SAMD4A: variants seen among roughly 807,000 people sequenced by gnomAD.
The protein encoded by SAMD4A is protein Smaug homolog 1.
SAMD4A carries 33 observed loss-of-function variants against 81.3 expected under a neutral mutation model. That is an observed-to-expected ratio of 0.41 (90% CI 0.31 to 0.54). The LOEUF (loss-of-function observed/expected upper bound fraction) is 0.54, where lower values mean the gene tolerates loss of function less well. Among genes scored for constraint, SAMD4A ranks in the 20% least tolerant of loss-of-function variants. SAMD4A has a pLI of 0.37. For missense variants in SAMD4A, 854 were observed against 951.1 expected (o/e 0.90, Z 1.34); for synonymous variants, 389 against 382.1 (o/e 1.02, Z -0.21).
intron 2 of SAMD4A, among the ~76,000 whole-genome samples, chr14:54,683,096 G>T (rs1471060502): frequency 6.6e-6 from 1 of 152,150 alleles, no homozygotes; most frequent in Non-Finnish European, 1.5e-5. Flanking sequence ...TCATGGGCTT[G>T]GACTCCATTA....
intron 3 of SAMD4A, among the ~76,000 whole-genome samples, chr14:54,708,607 A>G (rs1180940680): frequency 1.3e-5 from 2 of 152,186 alleles, no homozygotes; most frequent in African/African-American, 4.8e-5. Flanking sequence ...AAAGCTGGAG[A>G]AAAGCAGGGG....
At chr14:54,568,193 C>A in intron 2 of SAMD4A, 81 bp downstream of exon 2, 1 of 1,287,182 alleles carries the variant, frequency 7.8e-7, no homozygotes, top group Non-Finnish European at 1.0e-6. Context: ...CGGGCCAGGC[C>A]GAGGCCAGTC....
intron 3 of SAMD4A, among the ~76,000 whole-genome samples, chr14:54,724,563 G>T (rs2037364970): frequency 6.6e-6 from 1 of 152,192 alleles, no homozygotes; most frequent in African/African-American, 2.4e-5. Context: ...GAGGCCAAAG[G>T]ACTGGGAACA....
intron 3 of SAMD4A, among the ~76,000 whole-genome samples, chr14:54,735,947 G>GAAAAATGTTT (rs2037681152): frequency 6.6e-6 from 1 of 152,208 alleles, no homozygotes; most frequent in Non-Finnish European, 1.5e-5. Flanking sequence ...TGGCTTCCCT[G>GAAAAATGTTT]AAAAATGTTT....
intron 11 of SAMD4A, among the ~76,000 whole-genome samples, chr14:54,780,295 G>C (rs552693193): frequency 6.6e-6 from 1 of 152,262 alleles, no homozygotes; most frequent in South Asian, 2.1e-4. Context: ...TTCATGGTGT[G>C]ACTTACCTGA....
chr14:54,612,096 T>C (rs1421257206), intron 2 of SAMD4A, among the ~76,000 whole-genome samples: 2 of 152,162 alleles, frequency 1.3e-5, no homozygotes, highest in Admixed American at 6.5e-5. Context: ...GTTTCTGAAT[T>C]GCATTTATTT....
intron 2 of SAMD4A, among the ~76,000 whole-genome samples, chr14:54,590,311 A>G (rs2033740563): frequency 6.6e-6 from 1 of 152,044 alleles, no homozygotes; most frequent in Non-Finnish European, 1.5e-5. Context: ...CAAAATCGTG[A>G]GACTTCATCT....
Position 54,733,976 on chromosome 14 carries a change from T to C in SAMD4A, c.716-3048T>C, listed in dbSNP as rs375726489. On this transcript the variant is annotated intron_variant, in intron 3 of 12. Transcript: ENST00000554335. ...CTGGCCCCCTCGTCAATTCCACAAC[T>C]GCATGGCCTATTTTCTTGTAGCCTC... 9.2e-5 allele frequency among the ~76,000 whole-genome samples: 14 copies of C among 152,328 alleles called. 1 individual carries two copies. The highest frequency in any genetic ancestry group is 4.6e-4 in the Admixed American group (7 of 15,294).
intron 2 of SAMD4A, among the ~76,000 whole-genome samples, chr14:54,610,406 G>A (rs533020174): frequency 2.0e-5 from 3 of 152,302 alleles, no homozygotes; most frequent in East Asian, 1.9e-4. Flanking sequence ...TCCCAGAAAA[G>A]CGTTTTCTTT....
In SAMD4A at chr14:54,765,296, TG is replaced by T. The variant is rs555107472; in HGVS notation, c.1596+757del. On this transcript the variant is annotated intron_variant, in intron 8 of 12. Coordinates refer to ENST00000554335, the MANE Select transcript of SAMD4A (RefSeq NM_015589.6). ...TTGGGACCAGATAAACCTAGGATGG[TG>T]AAGTCTTTTTGTAGGATTTCGATGT... Among the ~76,000 whole-genome samples, 11 of 152,068 alleles carry T rather than the reference TG, an allele frequency of 7.2e-5. No homozygotes were observed. The South Asian group carries it at 2.1e-3, about 29-fold the overall frequency.
intron 2 of SAMD4A, among the ~76,000 whole-genome samples, chr14:54,655,428 T>C (rs1202247451): frequency 6.6e-6 from 1 of 152,110 alleles, no homozygotes; most frequent in African/African-American, 2.4e-5. Context: ...TAAAACATAG[T>C]GGTTAAGAAT....
chr14:54,652,293 A>G (rs538839630), intron 2 of SAMD4A, among the ~76,000 whole-genome samples: 1 of 152,206 alleles, frequency 6.6e-6, no homozygotes, highest in Non-Finnish European at 1.5e-5. Context: ...TTGCTTTATA[A>G]ATGAATAACA....
At position 54,694,668 on chromosome 14, in the gene SAMD4A, C is replaced by T. The variant is rs1001460887; in HGVS notation, c.197-7394C>T. ...GAGGCAGGTGGCTGGGGGAGCTGGCCTGGTTTTTGTGCCCTCTGGGAATGG... is the reference window on the plus strand; with the variant it reads ...GAGGCAGGTGGCTGGGGGAGCTGGCTTGGTTTTTGTGCCCTCTGGGAATGG... On this transcript the variant is annotated intron_variant, in intron 2 of 12. Transcript: ENST00000554335. The T allele has an allele frequency of 8.1e-6, 8 of 985,362 alleles. No individual in the cohort carries two copies. In the African/African-American group the frequency reaches 1.4e-4, roughly 17 times the overall value. The allele number at this position is 985,362 out of a possible 1,614,324, so 61.0% of individuals were successfully genotyped here.
At chr14:54,685,859 A>G (rs1218643797) in intron 2 of SAMD4A, 2 of 456,614 alleles carry the variant, frequency 4.4e-6, no homozygotes, top group South Asian at 1.5e-5. Context: ...AAGTGGTGTC[A>G]GATCAGCTTC....
chr14:54,718,732 A>G lies in SAMD4A; in HGVS notation c.715+16152A>G, dbSNP rs561082747. 7.4e-4 allele frequency among the ~76,000 whole-genome samples: 113 copies of G among 152,116 alleles called. 3 individuals are homozygous for G. The South Asian group carries it at 0.022, about 29-fold the overall frequency. On this transcript the variant is annotated intron_variant, in intron 3 of 12. Coordinates refer to ENST00000554335, the MANE Select transcript of SAMD4A (RefSeq NM_015589.6). Reference sequence around the variant, plus strand: ...AGAATCCTGACTTTGGGCCAGGCACAGTAGCTTACGCCTGTAATCCCAGCA... The same window carrying G: ...AGAATCCTGACTTTGGGCCAGGCACGGTAGCTTACGCCTGTAATCCCAGCA...
chr14:54,576,008 T>C (rs925462420), intron 2 of SAMD4A, among the ~76,000 whole-genome samples: 312 of 8,798 alleles, frequency 0.035, no homozygotes, highest in African/African-American at 0.075. Flanking sequence ...TTTCTTTTTT[T>C]TTTTTTTTTT....
chr14:54,654,497 TA>T (rs1005164841), intron 2 of SAMD4A, among the ~76,000 whole-genome samples: 4 of 152,082 alleles, frequency 2.6e-5, no homozygotes, highest in Non-Finnish European at 4.4e-5. Flanking sequence ...TCTAACCATT[TA>T]AAAAAAATTG....
chr14:54,646,093 T>C (rs2035280840), intron 2 of SAMD4A, among the ~76,000 whole-genome samples: 1 of 152,238 alleles, frequency 6.6e-6, no homozygotes, highest in Non-Finnish European at 1.5e-5. Context: ...GTTTTCTTTG[T>C]GATCGACAAA....
rs370886722 is a variant in SAMD4A at position 54,760,508 on chromosome 14, C to T, written c.1510+14C>T. On this transcript the variant is annotated intron_variant, in intron 7 of 12. Transcript: ENST00000554335. Reference sequence around the variant, plus strand: ...TCATGGGGAAAGGTAGAGCCTCATTCGCCCATTTCTTTTTTCTTCTGGATA... The same window carrying T: ...TCATGGGGAAAGGTAGAGCCTCATTTGCCCATTTCTTTTTTCTTCTGGATA... 3.1e-5 allele frequency: 43 copies of T among 1,383,314 alleles called. No individual in the cohort carries two copies. Among genetic ancestry groups the T allele is most frequent in the African/African-American group, 2.3e-4 (15 of 65,272 alleles). The allele number at this position is 1,383,314 out of a possible 1,614,324, so 85.7% of individuals were successfully genotyped here. A position where few individuals can be genotyped will look rare whatever the true frequency, so the allele number is the denominator to read the frequency against.
Sources: gnomAD v4.1 joint callset for allele counts (sites outside exome capture counted in the v4.1 genomes callset) on GRCh38, gnomAD v4.1.1 for gene constraint, MANE v1.5 for transcripts, NCBI Gene and HGNC (gene_info 2026-07-23, HGNC 2026-07-21) for gene names.